TBC1D32: variants seen among roughly 807,000 people sequenced by gnomAD.
TBC1D32 encodes protein broad-minded.
TBC1D32 carries 151 observed loss-of-function variants against 170.3 expected under a neutral mutation model. That is an observed-to-expected ratio of 0.89 (90% CI 0.78 to 1.01). The LOEUF (loss-of-function observed/expected upper bound fraction) is 1.01. Ranked by LOEUF, TBC1D32 falls within the 50% of genes least tolerant of loss-of-function variation. The probability of loss-of-function intolerance (pLI) is 0.00; values close to 1 mark genes in which losing one functional copy is unlikely to be tolerated. For missense variants in TBC1D32, 1,464 were observed against 1,457.1 expected (o/e 1.00, Z -0.08); for synonymous variants, 498 against 488.0 (o/e 1.02, Z -0.27).
chr6:121,148,773 C>G (rs911267968), intron 24 of TBC1D32, among the ~76,000 whole-genome samples: 1 of 152,000 alleles, frequency 6.6e-6, no homozygotes, highest in Non-Finnish European at 1.5e-5. Flanking sequence ...GCCACCATGC[C>G]CAGCGAATGT....
chr6:121,206,453 G>A (rs1792287995), intron 21 of TBC1D32, among the ~76,000 whole-genome samples: 1 of 152,036 alleles, frequency 6.6e-6, no homozygotes, highest in Admixed American at 6.5e-5. Context: ...ATTTATTGAG[G>A]AATTTGTGGC....
At chr6:121,237,803 TA>T (rs1209073295) in intron 20 of TBC1D32, among the ~76,000 whole-genome samples, 5 of 152,112 alleles carry the variant, frequency 3.3e-5, no homozygotes, top group Non-Finnish European at 7.4e-5. Flanking sequence ...TTTAAAATCC[TA>T]AATTCTTCAT....
intron 17 of TBC1D32, among the ~76,000 whole-genome samples, chr6:121,243,512 A>T (rs1267984874): frequency 6.6e-6 from 1 of 152,100 alleles, no homozygotes; most frequent in Non-Finnish European, 1.5e-5. Context: ...ATCATGACAA[A>T]TCTACCCTAT....
At chr6:121,273,143 A>T (rs1243998113) in intron 15 of TBC1D32, among the ~76,000 whole-genome samples, 1 of 151,580 alleles carries the variant, frequency 6.6e-6, no homozygotes, top group African/African-American at 2.4e-5. Context: ...TAGTTTTAGG[A>T]GATATACCTA....
rs1409177701 is a variant in TBC1D32, at chr6:121,279,233, A to C, written c.1621T>G (p.Cys541Gly). The C allele has an allele frequency of 3.7e-6, 6 of 1,607,710 alleles. No homozygotes were observed. The highest frequency in any genetic ancestry group is 4.2e-6 in the Non-Finnish European group (5 of 1,177,982). ...ATATGAATTAAAGCTGTCTCAGAGCAATTTGGAGATGCCTGTACATTAAAA... is the reference window on the plus strand; with the variant it reads ...ATATGAATTAAAGCTGTCTCAGAGCCATTTGGAGATGCCTGTACATTAAAA... ...LMKGNEASPN[C>G]SETALIHIAG... Residue 541 changes from cysteine to glycine, a missense_variant, in exon 15 of 32, where the codon TGC becomes GGC. Transcript: ENST00000398212.
At chr6:121,312,307 CT>C (rs1236607372) in intron 3 of TBC1D32, among the ~76,000 whole-genome samples, 1 of 152,122 alleles carries the variant, frequency 6.6e-6, no homozygotes, top group Non-Finnish European at 1.5e-5. Flanking sequence ...ACATATATAC[CT>C]ATGTAACTAA....
intron 4 of TBC1D32, among the ~76,000 whole-genome samples, chr6:121,309,245 A>T (rs1807812775): frequency 6.6e-6 from 1 of 152,230 alleles, no homozygotes; most frequent in African/African-American, 2.4e-5. Context: ...TTTTTAGGAA[A>T]AAATGCCATT....
At chr6:121,085,286 T>TAC (rs1562425314) in intron 31 of TBC1D32, among the ~76,000 whole-genome samples, 5 of 144,640 alleles carry the variant, frequency 3.5e-5, no homozygotes, top group African/African-American at 1.3e-4. Context: ...CGTATATATA[T>TAC]ACATATATAC....
intron 19 of TBC1D32, 44 bp from the exon 20 acceptor site, chr6:121,239,232 C>T: frequency 8.2e-7 from 1 of 1,218,618 alleles, no homozygotes. Context: ...CATAATATTT[C>T]TTTGGATTAT....
At chr6:121,094,902 G>C (rs1237737207) in intron 30 of TBC1D32, among the ~76,000 whole-genome samples, 2 of 151,780 alleles carry the variant, frequency 1.3e-5, no homozygotes, top group African/African-American at 4.9e-5. Context: ...TCCTCGGTTA[G>C]AGCTCTACAA....
intron 20 of TBC1D32, among the ~76,000 whole-genome samples, chr6:121,238,844 A>G (rs1310980776): frequency 2.0e-5 from 3 of 152,140 alleles, no homozygotes; most frequent in Non-Finnish European, 4.4e-5. Context: ...ACATAAAGTA[A>G]AAGAAAATAA....
At chr6:121,087,920 T>C (rs1360921195) in intron 31 of TBC1D32, among the ~76,000 whole-genome samples, 2 of 151,882 alleles carry the variant, frequency 1.3e-5, no homozygotes, top group East Asian at 3.9e-4. Context: ...AAGAATATTA[T>C]TATGGCTGTG....
At chr6:121,193,029 G>A (rs1455050917) in intron 22 of TBC1D32, among the ~76,000 whole-genome samples, 1 of 152,108 alleles carries the variant, frequency 6.6e-6, no homozygotes, top group African/African-American at 2.4e-5. Context: ...CCCAAGAGGT[G>A]GTGCACTACA....
chr6:121,292,445 A>G (rs1379500188), intron 11 of TBC1D32, among the ~76,000 whole-genome samples: 1 of 152,214 alleles, frequency 6.6e-6, no homozygotes, highest in Middle Eastern at 3.2e-3. Context: ...TCTAAAATAA[A>G]TACCATAAGA....
chr6:121,309,036 C>T (rs1177983782), intron 4 of TBC1D32, among the ~76,000 whole-genome samples: 1 of 152,082 alleles, frequency 6.6e-6, no homozygotes, highest in Non-Finnish European at 1.5e-5. Flanking sequence ...AAAACCTCAG[C>T]AAATCAGACA....
chr6:121,152,321 T>C (rs536887601), intron 24 of TBC1D32, among the ~76,000 whole-genome samples: 23 of 152,348 alleles, frequency 1.5e-4, no homozygotes, highest in South Asian at 8.3e-4. Flanking sequence ...ATGTTGAACA[T>C]TGGCCTCCAC....
chr6:121,291,177 G>C (rs560257079), intron 12 of TBC1D32, among the ~76,000 whole-genome samples: 1 of 151,752 alleles, frequency 6.6e-6, no homozygotes, highest in Admixed American at 6.6e-5. Context: ...AAGAAAACCA[G>C]GTACTCCACA....
At chr6:121,188,101 T>C (rs569309668) in intron 22 of TBC1D32, among the ~76,000 whole-genome samples, 1 of 152,246 alleles carries the variant, frequency 6.6e-6, no homozygotes, top group East Asian at 1.9e-4. Context: ...TGTGTCCCAG[T>C]TGAATCATTT....
intron 10 of TBC1D32, among the ~76,000 whole-genome samples, chr6:121,296,972 T>C (rs971906097): frequency 1.3e-5 from 2 of 152,086 alleles, no homozygotes; most frequent in African/African-American, 4.8e-5. Context: ...CCTCCTTGCA[T>C]CCATTACTAC....
Sources: allele counts gnomAD v4.1 joint callset (sites outside exome capture counted in the v4.1 genomes callset), GRCh38; gene constraint gnomAD v4.1.1; transcripts MANE v1.5; gene names NCBI Gene and HGNC (gene_info 2026-07-23, HGNC 2026-07-21).